CPQ: variants seen among roughly 807,000 people sequenced by gnomAD.
CPQ encodes carboxypeptidase Q.
CPQ carries 37 observed loss-of-function variants against 45.7 expected under a neutral mutation model. The observed-to-expected ratio is 0.81, with a 90% CI of 0.62 to 1.07. The LOEUF is 1.07. CPQ is among the 50% of genes least tolerant of loss of function. CPQ has a pLI of 0.00. For synonymous variants in CPQ, 186 were observed against 205.8 expected (o/e 0.90, Z 0.82); for missense variants, 537 against 572.9 (o/e 0.94, Z 0.64).
chr8:96,762,423 TATATC>T (rs1810416398), intron 1 of CPQ, among the ~76,000 whole-genome samples: 2 of 152,156 alleles, frequency 1.3e-5, no homozygotes, highest in Non-Finnish European at 2.9e-5. Flanking sequence ...TAAGAAAGCA[TATATC>T]ATATTATGTA....
intron 4 of CPQ, among the ~76,000 whole-genome samples, chr8:96,929,538 A>G (rs1329612812): frequency 6.6e-6 from 1 of 152,078 alleles, no homozygotes; most frequent in Non-Finnish European, 1.5e-5. Flanking sequence ...TGTTACTCCT[A>G]TTTGGCTGAA....
At chr8:96,670,326 T>TA (rs1563697457) in intron 1 of CPQ, among the ~76,000 whole-genome samples, 10 of 144,780 alleles carry the variant, frequency 6.9e-5, no homozygotes, top group African/African-American at 2.6e-4. Flanking sequence ...TTTTTTTTTT[T>TA]TTTTTTTTTT....
intron 4 of CPQ, among the ~76,000 whole-genome samples, chr8:96,933,424 A>G (rs1813000233): frequency 6.6e-6 from 1 of 152,166 alleles, no homozygotes; most frequent in Non-Finnish European, 1.5e-5. Context: ...CATCAGCAGT[A>G]GCTTCTTGTG....
intron 4 of CPQ, among the ~76,000 whole-genome samples, chr8:96,882,265 G>A (rs532302345): frequency 1.3e-5 from 2 of 152,214 alleles, no homozygotes; most frequent in African/African-American, 4.8e-5. Flanking sequence ...AGAATCACAG[G>A]GAGTCAGACA....
intron 5 of CPQ, among the ~76,000 whole-genome samples, chr8:96,979,742 C>T (rs1813856569): frequency 6.6e-6 from 1 of 152,138 alleles, no homozygotes; most frequent in Non-Finnish European, 1.5e-5. Context: ...TGCAAACATT[C>T]TCAAAAATAA....
chr8:96,747,298 A>C (rs916339608), intron 1 of CPQ, among the ~76,000 whole-genome samples: 5 of 152,046 alleles, frequency 3.3e-5, no homozygotes, highest in African/African-American at 7.2e-5. Flanking sequence ...CTCAAAAAAA[A>C]AAAAAAAAAA....
intron 1 of CPQ, among the ~76,000 whole-genome samples, chr8:96,666,146 G>A (rs1412289762): frequency 6.6e-6 from 1 of 152,128 alleles, no homozygotes; most frequent in African/African-American, 2.4e-5. Flanking sequence ...CTGGGTTGTA[G>A]AGTTCTTTAG....
At chr8:96,945,050 G>A (rs1372427306) in intron 4 of CPQ, among the ~76,000 whole-genome samples, 1 of 152,146 alleles carries the variant, frequency 6.6e-6, no homozygotes, top group Non-Finnish European at 1.5e-5. Flanking sequence ...ATTGCTTAAA[G>A]CTCGTGGAAA....
intron 4 of CPQ, 69 bp downstream of exon 4, chr8:96,880,074 TG>T: frequency 1.4e-6 from 2 of 1,397,768 alleles, no homozygotes; most frequent in Non-Finnish European, 2.0e-6. Context: ...AGAGATAGTT[TG>T]GGAAAGAGAG....
Position 96,994,821 on chromosome 8 carries a change from C to T in CPQ, c.961+28775C>T, listed in dbSNP as rs144285942. On this transcript the variant is annotated intron_variant, in intron 5 of 7. Transcript: ENST00000220763. ...GGACACTAAATTATATGGACATCGACCTATTAATAACATGATAAAAATACT... is the reference window on the plus strand; with the variant it reads ...GGACACTAAATTATATGGACATCGATCTATTAATAACATGATAAAAATACT... Among the ~76,000 whole-genome samples, 349 of 152,078 alleles carry T rather than the reference C, an allele frequency of 2.3e-3. 2 individuals carry two copies. Among genetic ancestry groups the T allele is most frequent in the African/African-American group, 8.0e-3 (332 of 41,510 alleles).
At chr8:96,750,825 C>A (rs1398303552) in intron 1 of CPQ, among the ~76,000 whole-genome samples, 1 of 152,026 alleles carries the variant, frequency 6.6e-6, no homozygotes, top group Non-Finnish European at 1.5e-5. Flanking sequence ...TGTGTTGTTT[C>A]CCCCAGTGTG....
At chr8:96,886,959 G>A (rs186077858) in intron 4 of CPQ, among the ~76,000 whole-genome samples, 5 of 152,224 alleles carry the variant, frequency 3.3e-5, no homozygotes, top group South Asian at 2.1e-4. Context: ...TGGGAAAGTC[G>A]CCTGTGCTTG....
At chr8:96,760,325 A>C (rs1810383250) in intron 1 of CPQ, among the ~76,000 whole-genome samples, 1 of 152,210 alleles carries the variant, frequency 6.6e-6, no homozygotes, top group African/African-American at 2.4e-5. Flanking sequence ...GAACCTTGTA[A>C]GTCTGGTATT....
intron 1 of CPQ, among the ~76,000 whole-genome samples, chr8:96,712,405 A>C (rs1024218503): frequency 2.0e-5 from 3 of 152,084 alleles, no homozygotes; most frequent in African/African-American, 4.8e-5. Context: ...TTTCCCTTCC[A>C]CATCACCCTA....
chr8:96,914,086 A>C (rs1031599965), intron 4 of CPQ, among the ~76,000 whole-genome samples: 6 of 152,204 alleles, frequency 3.9e-5, no homozygotes, highest in Non-Finnish European at 2.9e-5. Flanking sequence ...AATAGTGTGG[A>C]GATACTGTCA....
At chr8:96,911,984 C>T (rs1294939955) in intron 4 of CPQ, among the ~76,000 whole-genome samples, 6 of 152,100 alleles carry the variant, frequency 3.9e-5, no homozygotes, top group Non-Finnish European at 8.8e-5. Context: ...CCTCCCTTTC[C>T]CCATCTGTAA....
At chr8:96,736,122 C>T (rs995910618) in intron 1 of CPQ, among the ~76,000 whole-genome samples, 3 of 152,232 alleles carry the variant, frequency 2.0e-5, no homozygotes, top group African/African-American at 4.8e-5. Flanking sequence ...CTTGTGCCCC[C>T]TGGCCCTGCC....
intron 6 of CPQ, among the ~76,000 whole-genome samples, chr8:97,039,808 T>G (rs1278360148): frequency 1.3e-5 from 2 of 152,198 alleles, no homozygotes; most frequent in African/African-American, 2.4e-5. Context: ...ACAAAGGACA[T>G]GAACTCATCA....
intron 3 of CPQ, among the ~76,000 whole-genome samples, chr8:96,863,754 G>T (rs1044578915): frequency 1.3e-5 from 2 of 152,010 alleles, no homozygotes; most frequent in Non-Finnish European, 2.9e-5. Context: ...CTCTTCTCAG[G>T]TGAGTAGCTG....
Sources: allele counts gnomAD v4.1 joint callset (sites outside exome capture counted in the v4.1 genomes callset), GRCh38; gene constraint gnomAD v4.1.1; transcripts MANE v1.5; gene names NCBI Gene and HGNC (gene_info 2026-07-23, HGNC 2026-07-21).